Variants in GLRA2 observed in about 807,000 individuals in gnomAD.
GLRA2 encodes glycine receptor subunit alpha-2.
Under a neutral mutation model 31.6 loss-of-function variants are expected in GLRA2, and 11 were observed. The observed-to-expected ratio is 0.35, with a 90% confidence interval of 0.22 to 0.58. The LOEUF (loss-of-function observed/expected upper bound fraction) is 0.58, where lower values mean the gene tolerates loss of function less well. Ranked by LOEUF, GLRA2 falls within the 20% of genes least tolerant of loss-of-function variation. The probability of loss-of-function intolerance (pLI) is 0.84; values close to 1 mark genes in which losing one functional copy is unlikely to be tolerated. For missense variants in GLRA2, 212 were observed against 351.8 expected (o/e 0.60, Z 3.18); for synonymous variants, 132 against 134.0 (o/e 0.99, Z 0.10).
At position 14,730,401 on chromosome X, in the gene GLRA2, C is replaced by A. The variant is rs775632028; in HGVS notation, c.1275C>A (p.Ala425=). Residue 425 remains alanine (A), a synonymous_variant, in exon 9 of 9, where the codon GCC becomes GCA. Transcript: ENST00000218075. ...GGATTGACACGATATCTCGAGCTGC[C>A]TTCCCATTGGCCTTCCTCATTTTCA... ...AKRIDTISRA[A]FPLAFLIFNI... The A allele has an allele frequency of 5.0e-6, 6 of 1,204,541 alleles. No homozygotes were observed. In the Admixed American group the frequency reaches 1.1e-4, roughly 22 times the overall value.
At chrX:14,571,271 T>C (rs376858734) in intron 2 of GLRA2, among the ~76,000 whole-genome samples, 1 of 112,194 alleles carries the variant, frequency 8.9e-6, no homozygotes, top group African/African-American at 3.2e-5. Context: ...AGCACATTCA[T>C]TCACTGGTGA....
intron 5 of GLRA2, among the ~76,000 whole-genome samples, chrX:14,605,633 A>G (rs980425912): frequency 3.6e-5 from 4 of 112,154 alleles, no homozygotes; most frequent in Admixed American, 1.9e-4. Context: ...AGGCTTAGAA[A>G]ATTTGAATTA....
intron 2 of GLRA2, among the ~76,000 whole-genome samples, chrX:14,556,185 CATA>C (rs2089640509): frequency 9.0e-6 from 1 of 111,719 alleles, no homozygotes; most frequent in Admixed American, 9.5e-5. Flanking sequence ...TAACTCCAAA[CATA>C]GTATAGTTTC....
the GLRA2 span, among the ~76,000 whole-genome samples, chrX:14,463,655 G>C: frequency 5.3e-4 from 59 of 111,163 alleles, no homozygotes; most frequent in African/African-American, 1.9e-3. Flanking sequence ...GCAAGGCTCT[G>C]TGGGTGTGGG....
intron 4 of GLRA2, among the ~76,000 whole-genome samples, chrX:14,581,766 G>GCA (rs57962541): frequency 0.16 from 14,063 of 90,678 alleles, 994 homozygotes; most frequent in Middle Eastern, 0.22. Flanking sequence ...ATTCAAGCAT[G>GCA]CACACACACA....
At chrX:14,588,057 C>A (rs2090101266) in intron 4 of GLRA2, among the ~76,000 whole-genome samples, 1 of 110,399 alleles carries the variant, frequency 9.1e-6, no homozygotes, top group South Asian at 3.9e-4. Flanking sequence ...TATGTGCATG[C>A]CACCATGCCC....
intron 7 of GLRA2, among the ~76,000 whole-genome samples, chrX:14,657,362 A>G (rs894710227): frequency 8.9e-6 from 1 of 112,132 alleles, no homozygotes; most frequent in African/African-American, 3.2e-5. Context: ...ATACAGAGAT[A>G]ATATTTACTT....
At chrX:14,469,292 G>GT in the GLRA2 span, among the ~76,000 whole-genome samples, 2 of 111,562 alleles carry the variant, frequency 1.8e-5, no homozygotes, top group Non-Finnish European at 3.8e-5. Flanking sequence ...GGTTTTTATG[G>GT]TTTTAGGTCT....
rs991215505 is a variant in GLRA2, at chrX:14,731,797, C to G, written c.*1312C>G. The G allele has an allele frequency of 1.8e-5, 2 of 111,880 alleles. No individual in the cohort carries two copies. Among genetic ancestry groups the G allele is most frequent in the African/African-American group, 6.5e-5 (2 of 30,768 alleles). The allele number at this position is 111,880 out of a possible 1,213,427, so 9.2% of individuals were successfully genotyped here. ...AAGCATTTGTTCAATTTCAATAAAG[C>G]TAAGTGTGCCGCAAACTTCTCTAGA... is the stretch of plus-strand genomic sequence containing the variant. On this transcript the variant is annotated 3_prime_UTR_variant, in exon 9 of 9. Transcript: ENST00000218075.
chrX:14,452,669 A>T, the GLRA2 span, among the ~76,000 whole-genome samples: 1 of 109,367 alleles, frequency 9.1e-6, no homozygotes, highest in Non-Finnish European at 1.9e-5. Flanking sequence ...GCTTTGAAGG[A>T]TGAGAAGTAT....
chrX:14,653,249 G>A (rs1422926473), intron 7 of GLRA2, among the ~76,000 whole-genome samples: 1 of 111,529 alleles, frequency 9.0e-6, no homozygotes, highest in Non-Finnish European at 1.9e-5. Flanking sequence ...AATTTCATAA[G>A]ACTATAGCTA....
the GLRA2 span, among the ~76,000 whole-genome samples, chrX:14,489,653 G>A: frequency 8.9e-6 from 1 of 111,774 alleles, no homozygotes; most frequent in African/African-American, 3.2e-5. Context: ...ACTCCTCCCA[G>A]TGTGCAGGTC....
chrX:14,705,184 T>TGC (rs1374877323), intron 8 of GLRA2, among the ~76,000 whole-genome samples: 2 of 112,388 alleles, frequency 1.8e-5, no homozygotes, highest in African/African-American at 6.5e-5. Flanking sequence ...AGCCTTATCC[T>TGC]GCCTTGCTGA....
chrX:14,559,379 A>G (rs766724919), intron 2 of GLRA2, among the ~76,000 whole-genome samples: 1 of 109,204 alleles, frequency 9.2e-6, no homozygotes, highest in East Asian at 2.9e-4. Context: ...AAGGAGATTA[A>G]AACAGCACAG....
intron 7 of GLRA2, among the ~76,000 whole-genome samples, chrX:14,665,101 T>C (rs1216933460): frequency 8.9e-6 from 1 of 112,025 alleles, no homozygotes; most frequent in East Asian, 2.8e-4. Context: ...GGCTTCAATG[T>C]TTAGAAACTT....
At chrX:14,550,391 CAT>C (rs1404368597) in intron 2 of GLRA2, among the ~76,000 whole-genome samples, 2 of 109,835 alleles carry the variant, frequency 1.8e-5, no homozygotes, top group Middle Eastern at 4.3e-3. Context: ...GAATCAATCT[CAT>C]AAGGAAGATG....
rs954665602 is a variant in GLRA2, at chrX:14,614,705, C to T, written c.930+5500C>T. Among the ~76,000 whole-genome samples, 3 of 111,786 alleles carry T rather than the reference C, an allele frequency of 2.7e-5. No homozygotes were observed. The East Asian group carries it at 8.5e-4, about 32-fold the overall frequency. On this transcript the variant is annotated intron_variant, in intron 7 of 8. Coordinates refer to ENST00000218075, the MANE Select transcript of GLRA2 (RefSeq NM_002063.4). ...TGGTGTTCACATTTTCATATAAAAC[C>T]CAAATACTAAAGACAAATGAGAGAT...
At chrX:14,636,495 A>G (rs1356571433) in intron 7 of GLRA2, among the ~76,000 whole-genome samples, 1 of 111,394 alleles carries the variant, frequency 9.0e-6, no homozygotes, top group Non-Finnish European at 1.9e-5. Context: ...TTCCCAATGG[A>G]GGGACATGTT....
chrX:14,580,585 A>G (rs1299071780), intron 3 of GLRA2, among the ~76,000 whole-genome samples: 5 of 112,561 alleles, frequency 4.4e-5, no homozygotes, highest in African/African-American at 1.6e-4. Context: ...TGGCTAGTGT[A>G]GATACAACAC....
Sources: gnomAD v4.1 joint callset for allele counts (sites outside exome capture counted in the v4.1 genomes callset) on GRCh38, gnomAD v4.1.1 for gene constraint, MANE v1.5 for transcripts, NCBI Gene and HGNC (gene_info 2026-07-23, HGNC 2026-07-21) for gene names.